Variants in RIN2 observed in about 807,000 individuals in gnomAD.
RIN2 encodes RAB5 interacting protein 2.
RIN2 carries 36 observed loss-of-function variants against 78.0 expected under a neutral mutation model. The ratio of observed to expected loss-of-function variants is 0.46; its 90% CI spans 0.35 to 0.61. RIN2 has a LOEUF of 0.61. RIN2 is among the 20% of genes least tolerant of loss of function. The pLI is 0.00. For missense variants in RIN2, 1,087 were observed against 1,159.7 expected (o/e 0.94, Z 0.91); for synonymous variants, 466 against 466.8 (o/e 1.00, Z 0.02).
chr20:19,880,115 G>A (rs1467641859), intron 2 of RIN2, among the ~76,000 whole-genome samples: 2 of 151,970 alleles, frequency 1.3e-5, no homozygotes, highest in African/African-American at 2.4e-5. Context: ...TGGGCATGGT[G>A]GTGCACACCT....
At chr20:19,862,405 A>C (rs2037370609) in intron 2 of RIN2, among the ~76,000 whole-genome samples, 1 of 152,166 alleles carries the variant, frequency 6.6e-6, no homozygotes, top group Non-Finnish European at 1.5e-5. Context: ...CAGCCTGGCC[A>C]ACATGGTGAA....
At chr20:19,821,199 A>T (rs1306552371) in intron 2 of RIN2, among the ~76,000 whole-genome samples, 1 of 152,180 alleles carries the variant, frequency 6.6e-6, no homozygotes, top group Non-Finnish European at 1.5e-5. Context: ...TCCACTTGGG[A>T]GACCTACAGG....
chr20:19,850,496 A>G (rs985623111), intron 2 of RIN2, among the ~76,000 whole-genome samples: 1 of 152,200 alleles, frequency 6.6e-6, no homozygotes, highest in Non-Finnish European at 1.5e-5. Flanking sequence ...TTGTCTTCTT[A>G]CCTTCTGTTT....
chr20:19,921,711 G>A (rs1158604918), intron 3 of RIN2, among the ~76,000 whole-genome samples: 1 of 152,170 alleles, frequency 6.6e-6, no homozygotes, highest in Non-Finnish European at 1.5e-5. Context: ...CCGAAGAACT[G>A]TGTGAAAGTG....
At chr20:19,964,865 T>C in intron 6 of RIN2, 87 bp from the exon 7 acceptor site, 4 of 1,107,292 alleles carry the variant, frequency 3.6e-6, no homozygotes, top group South Asian at 1.2e-5. Flanking sequence ...AGTACTCAGA[T>C]GGTCCCACAC....
intron 2 of RIN2, among the ~76,000 whole-genome samples, chr20:19,883,963 A>C (rs1051907523): frequency 2.7e-5 from 4 of 150,004 alleles, no homozygotes; most frequent in African/African-American, 9.7e-5. Context: ...TTTTTAAAAT[A>C]CTTTTTAATT....
At chr20:19,993,558 C>T (rs980676637) in intron 11 of RIN2, among the ~76,000 whole-genome samples, 2 of 152,102 alleles carry the variant, frequency 1.3e-5, no homozygotes, top group African/African-American at 4.8e-5. Flanking sequence ...TATCTCTCCT[C>T]CCGTACCCGA....
chr20:19,824,046 C>G, intron 2 of RIN2: 1 of 679,038 alleles, frequency 1.5e-6, no homozygotes, highest in Non-Finnish European at 2.5e-6. Context: ...GCTCTGCCTG[C>G]TTCTATGGCC....
chr20:19,816,903 G>C (rs2122859730), intron 2 of RIN2, among the ~76,000 whole-genome samples: 1 of 152,298 alleles, frequency 6.6e-6, no homozygotes, highest in South Asian at 2.1e-4. Context: ...ACAATATTAA[G>C]TTGTTCAAGA....
intron 2 of RIN2, among the ~76,000 whole-genome samples, chr20:19,846,453 G>T (rs1180961986): frequency 6.6e-6 from 1 of 152,132 alleles, no homozygotes; most frequent in African/African-American, 2.4e-5. Flanking sequence ...TCCCTTGTAA[G>T]TTGGATTCCT....
intron 2 of RIN2, among the ~76,000 whole-genome samples, chr20:19,818,432 C>G (rs1303976468): frequency 1.3e-5 from 2 of 152,124 alleles, no homozygotes; most frequent in African/African-American, 2.4e-5. Flanking sequence ...CATGCCTTGC[C>G]CTAGTAATTC....
intron 2 of RIN2, among the ~76,000 whole-genome samples, chr20:19,854,219 G>A (rs1018173136): frequency 3.9e-5 from 6 of 152,128 alleles, no homozygotes; most frequent in African/African-American, 1.4e-4. Context: ...TGAGGGCTCT[G>A]TTCTGTTCCA....
rs183141566 is a variant in RIN2 at position 20,000,749 on chromosome 20, A to T, written c.2501A>T (p.Tyr834Phe). The T allele has an allele frequency of 2.1e-3, 3,350 of 1,614,008 alleles. 8 individuals carry two copies. The highest frequency in any genetic ancestry group is 2.7e-3 in the Non-Finnish European group (3,202 of 1,179,896). ...TTCAAGGTGGGGGACCCTGAGGAGT[A>T]CAGCCTCTTTCTCTTCGTTGACGAG... ...EKFKVGDPEE[Y>F]SLFLFVDETW... The change falls in exon 13 of 13, where the codon TAC becomes TTC. Residue 834 changes from tyrosine (Y) to phenylalanine (F), a missense_variant. By Grantham distance (22) the Tyr-to-Phe change is conservative. Coordinates refer to ENST00000255006, the MANE Select transcript of RIN2 (RefSeq NM_018993.4).
At chr20:19,806,847 A>G (rs1350931872) in intron 2 of RIN2, among the ~76,000 whole-genome samples, 1 of 152,246 alleles carries the variant, frequency 6.6e-6, no homozygotes, top group Non-Finnish European at 1.5e-5. Flanking sequence ...ACAGTGAGCC[A>G]GCCTGGGCAA....
chr20:19,838,765 G>A (rs950494671), intron 2 of RIN2, among the ~76,000 whole-genome samples: 5 of 152,168 alleles, frequency 3.3e-5, no homozygotes, highest in Non-Finnish European at 7.3e-5. Context: ...AGCTTGGCAA[G>A]TCTCTGCACA....
intron 3 of RIN2, among the ~76,000 whole-genome samples, chr20:19,919,862 G>A (rs987759014): frequency 1.3e-5 from 2 of 152,062 alleles, no homozygotes; most frequent in African/African-American, 4.8e-5. Flanking sequence ...CCCTATTGTA[G>A]ACCCAAAGCC....
chr20:19,992,181 C>T lies in RIN2; in HGVS notation c.2082C>T (p.Gly694=), dbSNP rs570304401. 4.5e-5 allele frequency: 72 copies of T among 1,612,828 alleles called. No homozygotes were observed. The highest frequency in any genetic ancestry group is 5.4e-5 in the Non-Finnish European group (64 of 1,179,494). The change falls in exon 11 of 13, where the codon GGC becomes GGT. Residue 694 remains glycine (G), a synonymous_variant. Coordinates refer to ENST00000255006, the MANE Select transcript of RIN2 (RefSeq NM_018993.4). ...TCCTGCTCTCAGGGAGGATGTATGG[C>T]GCTGATGACTTCTTGCCAGTCCTGA... ...VMENNSGRMY[G]ADDFLPVLTY...
intron 4 of RIN2, among the ~76,000 whole-genome samples, chr20:19,943,812 G>A (rs1410780319): frequency 6.6e-6 from 1 of 151,986 alleles, no homozygotes; most frequent in Non-Finnish European, 1.5e-5. Flanking sequence ...CCCATGCTGG[G>A]TGGTGGGTAA....
chr20:19,925,928 G>A (rs1469611318), intron 3 of RIN2, among the ~76,000 whole-genome samples: 1 of 152,212 alleles, frequency 6.6e-6, no homozygotes, highest in Non-Finnish European at 1.5e-5. Context: ...GCCTGTGATA[G>A]CAAAACTCTG....
Sources: gnomAD v4.1 joint callset for allele counts (sites outside exome capture counted in the v4.1 genomes callset) on GRCh38, gnomAD v4.1.1 for gene constraint, MANE v1.5 for transcripts, NCBI Gene and HGNC (gene_info 2026-07-23, HGNC 2026-07-21) for gene names.